KIFAP3: variants seen among roughly 807,000 people sequenced by gnomAD.
The protein encoded by KIFAP3 is kinesin-associated protein 3.
Under a neutral mutation model 106.5 loss-of-function variants are expected in KIFAP3, and 68 were observed. That is an observed-to-expected ratio of 0.64 (90% CI 0.53 to 0.78). KIFAP3 has a LOEUF of 0.78. Ranked by LOEUF, KIFAP3 falls within the 30% of genes least tolerant of loss-of-function variation. The pLI, the probability that KIFAP3 is intolerant of heterozygous loss-of-function variation, is 0.00. For missense variants in KIFAP3, 780 were observed against 941.8 expected (o/e 0.83, Z 2.25); for synonymous variants, 320 against 311.5 (o/e 1.03, Z -0.29).
At chr1:169,943,929 T>C (rs866843618) in intron 19 of KIFAP3, among the ~76,000 whole-genome samples, 17 of 152,252 alleles carry the variant, frequency 1.1e-4, no homozygotes, top group African/African-American at 3.6e-4. Context: ...GTTCCAGTCA[T>C]ATTCGGGTTA....
chr1:169,959,267 G>T (rs1009720121), intron 18 of KIFAP3, among the ~76,000 whole-genome samples: 2 of 152,064 alleles, frequency 1.3e-5, no homozygotes, highest in Non-Finnish European at 2.9e-5. Flanking sequence ...ATTTCCATGA[G>T]ACACATCAAG....
chr1:170,019,864 T>A (rs1423039546), intron 9 of KIFAP3, among the ~76,000 whole-genome samples: 3 of 152,048 alleles, frequency 2.0e-5, no homozygotes, highest in Non-Finnish European at 4.4e-5. Context: ...GAAATAAAAA[T>A]CATACAGATT....
At chr1:170,053,924 T>C (rs1014237898) in intron 2 of KIFAP3, among the ~76,000 whole-genome samples, 3 of 152,156 alleles carry the variant, frequency 2.0e-5, no homozygotes, top group South Asian at 2.1e-4. Context: ...ATTCAGGACA[T>C]AGGCATGGAC....
intron 10 of KIFAP3, among the ~76,000 whole-genome samples, chr1:170,003,624 C>G (rs1166693345): frequency 2.0e-5 from 3 of 152,128 alleles, no homozygotes; most frequent in Non-Finnish European, 4.4e-5. Flanking sequence ...TGCCCTGCCC[C>G]CAGAGGTGGA....
At chr1:169,966,464 CAAAAAA>C (rs58208596) in intron 17 of KIFAP3, among the ~76,000 whole-genome samples, 3 of 130,094 alleles carry the variant, frequency 2.3e-5, no homozygotes, top group Non-Finnish European at 3.3e-5. Context: ...CGGAAAATGG[CAAAAAA>C]AAAAAAAAAA....
At chr1:170,012,092 T>C (rs1668270365) in intron 10 of KIFAP3, among the ~76,000 whole-genome samples, 1 of 152,080 alleles carries the variant, frequency 6.6e-6, no homozygotes, top group Admixed American at 6.6e-5. Flanking sequence ...TTTTAAAAAA[T>C]ATACAATTCA....
chr1:169,985,799 G>C (rs894126193), intron 11 of KIFAP3, among the ~76,000 whole-genome samples: 2 of 151,784 alleles, frequency 1.3e-5, no homozygotes, highest in African/African-American at 4.8e-5. Context: ...AAGAGGGTCT[G>C]AAAAACAACA....
intron 9 of KIFAP3, among the ~76,000 whole-genome samples, chr1:170,021,750 T>C (rs1469401553): frequency 6.6e-6 from 1 of 151,764 alleles, no homozygotes; most frequent in African/African-American, 2.4e-5. Flanking sequence ...CGTTATTAAT[T>C]TGTATTTCTA....
chr1:170,010,126 T>C (rs1194101737), intron 10 of KIFAP3, among the ~76,000 whole-genome samples: 1 of 151,918 alleles, frequency 6.6e-6, no homozygotes, highest in Non-Finnish European at 1.5e-5. Flanking sequence ...AGAAATAAAT[T>C]TAGTATCCTT....
At chr1:170,069,621 A>C (rs1453443591) in intron 1 of KIFAP3, among the ~76,000 whole-genome samples, 7 of 152,164 alleles carry the variant, frequency 4.6e-5, no homozygotes, top group Non-Finnish European at 1.0e-4. Flanking sequence ...ACATCTTTTC[A>C]TGATAAAAGT....
intron 1 of KIFAP3, among the ~76,000 whole-genome samples, chr1:170,081,927 T>G (rs1272714458): frequency 6.6e-6 from 1 of 152,172 alleles, no homozygotes; most frequent in Non-Finnish European, 1.5e-5. Flanking sequence ...TGATTAATAT[T>G]AAATTGTCAG....
At position 169,997,277 on chromosome 1, in the gene KIFAP3, T is replaced by C. The variant is rs549093896; in HGVS notation, c.1184-5022A>G. Among the ~76,000 whole-genome samples the C allele has an allele frequency of 3.3e-5, 5 of 152,310 alleles. No homozygotes were observed. The South Asian group carries it at 1.0e-3, about 32-fold the overall frequency. ...GTTGTGTGAGGATGAGATGAGAGAA[T>C]CCTGGTAAAGCAATTAGCACTAAGT... On this transcript the variant is annotated intron_variant, in intron 10 of 19. Transcript: ENST00000361580.
intron 19 of KIFAP3, among the ~76,000 whole-genome samples, chr1:169,940,573 T>C (rs1664051593): frequency 6.6e-6 from 1 of 152,116 alleles, no homozygotes; most frequent in South Asian, 2.1e-4. Context: ...ATCCCTAGCA[T>C]GCAGAGTTCA....
At chr1:169,955,979 C>A (rs1664993942) in intron 18 of KIFAP3, among the ~76,000 whole-genome samples, 1 of 152,120 alleles carries the variant, frequency 6.6e-6, no homozygotes, top group South Asian at 2.1e-4. Flanking sequence ...CATATAAAAA[C>A]TTGTGATTTT....
chr1:170,039,070 T>C (rs947063364), intron 4 of KIFAP3, among the ~76,000 whole-genome samples, 163 bp downstream of exon 4: 1 of 152,208 alleles, frequency 6.6e-6, no homozygotes, highest in Non-Finnish European at 1.5e-5. Context: ...ACTTTTTCTC[T>C]TTTTCAATTA....
At chr1:170,032,013 C>G (rs879601725) in intron 7 of KIFAP3, 29 bp from the exon 8 acceptor site, 23 of 879,162 alleles carry the variant, frequency 2.6e-5, no homozygotes, top group Non-Finnish European at 3.6e-5. Context: ...ATCATCCATA[C>G]TCATTGAAGC....
intron 19 of KIFAP3, among the ~76,000 whole-genome samples, chr1:169,939,632 T>C (rs1176202873): frequency 6.6e-6 from 1 of 151,820 alleles, no homozygotes; most frequent in Non-Finnish European, 1.5e-5. Flanking sequence ...AGGGTATGGA[T>C]AGAGAACAGG....
chr1:169,923,749 CT>C (rs996733182), intron 19 of KIFAP3, among the ~76,000 whole-genome samples: 8 of 152,230 alleles, frequency 5.3e-5, no homozygotes, highest in African/African-American at 1.9e-4. Context: ...AGCAATATCA[CT>C]GTAATTCTAC....
At position 169,961,228 on chromosome 1, in the gene KIFAP3, T is replaced by A. The variant is rs752060714; in HGVS notation, c.1991A>T (p.Asp664Val). Reference protein sequence around the residue: ...DNTLDIIAEYDEEWAKKIQSE... With the variant: ...DNTLDIIAEYVEEWAKKIQSE... ...CTGAATTTTCTTAGCCCATTCTTCA[T>A]CATATTCCTATTGAAAACAAACAGT... The change falls in exon 18 of 20, where the codon GAT (aspartate) becomes GTT (valine). Residue 664 changes from aspartate (D) to valine (V), a missense_variant. Physicochemically the swap from Asp to Val is radical, Grantham distance 152. This residue lies in a region of KIFAP3 where 78 missense variants were observed against 140.6 expected (regional missense o/e 0.55). Transcript: ENST00000361580. 1 of 1,610,552 alleles carries A rather than the reference T, an allele frequency of 6.2e-7. No homozygotes were observed. The highest frequency in any genetic ancestry group is 1.1e-5 in the South Asian group (1 of 90,980).
Sources: gnomAD v4.1 joint callset for allele counts (sites outside exome capture counted in the v4.1 genomes callset) on GRCh38, gnomAD v4.1.1 for gene constraint, gnomAD v4.1.1 regional missense constraint, MANE v1.5 for transcripts, NCBI Gene and HGNC (gene_info 2026-07-23, HGNC 2026-07-21) for gene names.